Variants in TECRL observed in about 807,000 individuals in gnomAD.
The protein encoded by TECRL is trans-2,3-enoyl-CoA reductase-like.
In TECRL, 63 loss-of-function variants were observed where a neutral mutation model predicts 52.8. The ratio of observed to expected loss-of-function variants is 1.19; its 90% confidence interval spans 0.97 to 1.47. TECRL has a LOEUF of 1.47. Ranked by LOEUF, TECRL falls within the 40% of genes most tolerant of loss-of-function variation. The pLI is 0.00. For missense variants in TECRL, 482 were observed against 429.6 expected, an observed-to-expected ratio of 1.12 and a Z score of -1.08; for synonymous variants, 164 against 141.9, an observed-to-expected ratio of 1.16 and a Z score of -1.10.
intron 1 of TECRL, among the ~76,000 whole-genome samples, chr4:64,387,458 A>G (rs1045561441): frequency 2.6e-5 from 4 of 152,160 alleles, no homozygotes; most frequent in Admixed American, 2.6e-4. Context: ...TATGGTAAGA[A>G]TATATTTAGT....
intron 1 of TECRL, among the ~76,000 whole-genome samples, chr4:64,395,444 A>G (rs528283282): frequency 5.9e-5 from 9 of 152,260 alleles, no homozygotes; most frequent in Admixed American, 1.3e-4. Context: ...GGAACAACTA[A>G]CACGATCACA....
At chr4:64,329,043 G>A (rs1367169340) in intron 2 of TECRL, among the ~76,000 whole-genome samples, 2 of 151,770 alleles carry the variant, frequency 1.3e-5, no homozygotes, top group African/African-American at 4.8e-5. Context: ...TTAATATTAT[G>A]AGTTTATTGG....
rs1246491705 is a variant in TECRL at position 64,277,905 on chromosome 4, CAT to C, written c.*2165_*2166del. 2 of 151,698 alleles carry C rather than the reference CAT, an allele frequency of 1.3e-5. No individual in the cohort carries two copies. The highest frequency in any genetic ancestry group is 2.4e-5 in the African/African-American group (1 of 41,384). 9.4% of individuals were successfully genotyped at this position (151,698 alleles called of 1,614,324 possible). A position where few individuals can be genotyped will look rare whatever the true frequency, so the allele number is the denominator to read the frequency against. On this transcript the variant is annotated 3_prime_UTR_variant, in exon 12 of 12. Coordinates refer to ENST00000381210, the MANE Select transcript of TECRL (RefSeq NM_001010874.5). The stretch of plus-strand genomic sequence containing the variant: ...ACATAGAAACTCATACACACACACA[CAT>C]GCACATAGGCTTTCATAGAAGATAG...
chr4:64,291,206 G>T (rs1014594816), intron 8 of TECRL, among the ~76,000 whole-genome samples: 1 of 151,936 alleles, frequency 6.6e-6, no homozygotes, highest in Non-Finnish European at 1.5e-5. Flanking sequence ...ATTGAGTAAA[G>T]TCAAGTACCC....
In TECRL at chr4:64,278,143, A is replaced by G. The variant is rs1209005615; in HGVS notation, c.*1929T>C. ...GAAGATGTATAAATATAATTTACAT[A>G]CAAATATAATCTATATATTTCAAAA... On this transcript the variant is annotated 3_prime_UTR_variant, in exon 12 of 12. Transcript: ENST00000381210. 6.6e-6 allele frequency: 1 copy of G among 151,588 alleles called. No individual in the cohort carries two copies. Among genetic ancestry groups the G allele is most frequent in the Non-Finnish European group, 1.5e-5 (1 of 67,726 alleles). The allele number at this position is 151,588 out of a possible 1,614,324, so 9.4% of individuals were successfully genotyped here.
intron 9 of TECRL, among the ~76,000 whole-genome samples, chr4:64,285,479 C>T (rs987606392): frequency 6.6e-6 from 1 of 152,112 alleles, no homozygotes; most frequent in African/African-American, 2.4e-5. Flanking sequence ...TGGTTCCCTT[C>T]TAGACATAAC....
chr4:64,292,404 C>T (rs1457030262), intron 8 of TECRL, among the ~76,000 whole-genome samples: 2 of 151,808 alleles, frequency 1.3e-5, no homozygotes, highest in Admixed American at 1.3e-4. Flanking sequence ...ATGTGTGTCC[C>T]TTATGTGACA....
At chr4:64,377,442 C>T (rs1236014662) in intron 1 of TECRL, among the ~76,000 whole-genome samples, 2 of 151,918 alleles carry the variant, frequency 1.3e-5, no homozygotes, top group African/African-American at 4.8e-5. Context: ...ATCATAACTT[C>T]CACTTTTTAG....
chr4:64,353,729 G>C (rs539396246), intron 2 of TECRL, among the ~76,000 whole-genome samples: 1 of 152,040 alleles, frequency 6.6e-6, no homozygotes, highest in Non-Finnish European at 1.5e-5. Context: ...AGTTAGTTTT[G>C]ATTTCATTTT....
chr4:64,294,832 G>A (rs927815490), intron 8 of TECRL, among the ~76,000 whole-genome samples: 22 of 151,688 alleles, frequency 1.5e-4, no homozygotes, highest in African/African-American at 5.3e-4. Context: ...CAAAAATAAG[G>A]ACAATTGTAG....
chr4:64,332,547 G>C (rs1006515909), intron 2 of TECRL, among the ~76,000 whole-genome samples: 1 of 152,052 alleles, frequency 6.6e-6, no homozygotes, highest in Admixed American at 6.5e-5. Context: ...AAAAACCAGG[G>C]GGAAATTAAA....
chr4:64,286,740 A>G (rs1723101058), intron 9 of TECRL, among the ~76,000 whole-genome samples: 2 of 152,154 alleles, frequency 1.3e-5, no homozygotes, highest in South Asian at 4.1e-4. Context: ...GCAATATACA[A>G]AGCAAGATAA....
chr4:64,358,915 A>G (rs1342566875), intron 2 of TECRL, among the ~76,000 whole-genome samples: 1 of 151,858 alleles, frequency 6.6e-6, no homozygotes, highest in African/African-American at 2.4e-5. Context: ...CGTGAAAAAT[A>G]AATGATATTT....
chr4:64,340,650 C>T (rs554728100), intron 2 of TECRL, among the ~76,000 whole-genome samples: 48 of 152,352 alleles, frequency 3.2e-4, no homozygotes, highest in African/African-American at 1.1e-3. Flanking sequence ...TGCCCCTTGG[C>T]ATGAACAGCC....
chr4:64,292,012 T>C (rs1723417638), intron 8 of TECRL, among the ~76,000 whole-genome samples: 1 of 152,014 alleles, frequency 6.6e-6, no homozygotes. Context: ...TTTTAAGCAC[T>C]GGCTTTTACA....
chr4:64,366,668 TAG>T (rs1721618448), intron 2 of TECRL, among the ~76,000 whole-genome samples: 1 of 152,072 alleles, frequency 6.6e-6, no homozygotes, highest in African/African-American at 2.4e-5. Context: ...CACTAATCAT[TAG>T]AGAGATGCAA....
intron 2 of TECRL, among the ~76,000 whole-genome samples, chr4:64,332,978 T>C (rs1314130744): frequency 6.6e-6 from 1 of 151,710 alleles, no homozygotes; most frequent in Non-Finnish European, 1.5e-5. Context: ...GCAAAATATA[T>C]CAAGATAAAT....
chr4:64,372,654 C>T (rs2109665468), intron 2 of TECRL, among the ~76,000 whole-genome samples: 1 of 151,388 alleles, frequency 6.6e-6, no homozygotes. Context: ...CGTAGGAAGA[C>T]AAAATATCAG....
chr4:64,293,759 G>T (rs1723523758), intron 8 of TECRL, among the ~76,000 whole-genome samples: 1 of 151,722 alleles, frequency 6.6e-6, no homozygotes, highest in Non-Finnish European at 1.5e-5. Context: ...TCCTAATATA[G>T]AATTGGTAGC....
Sources: gnomAD v4.1 joint callset for allele counts (sites outside exome capture counted in the v4.1 genomes callset) on GRCh38, gnomAD v4.1.1 for gene constraint, MANE v1.5 for transcripts, NCBI Gene and HGNC (gene_info 2026-07-23, HGNC 2026-07-21) for gene names.